The following UBAC2 variants were observed in gnomAD, a reference collection of about 807,000 sequenced individuals.
The protein encoded by UBAC2 is UBA domain containing 2.
Under a neutral mutation model 44.0 loss-of-function variants are expected in UBAC2, and 26 were observed. The ratio of observed to expected loss-of-function variants is 0.59; its 90% CI spans 0.43 to 0.82. The LOEUF is 0.82. Ranked by LOEUF, UBAC2 falls within the 40% of genes least tolerant of loss-of-function variation. UBAC2 has a pLI of 0.00. For missense variants in UBAC2, 329 were observed against 419.4 expected, an observed-to-expected ratio of 0.78 and a Z score of 1.88; for synonymous variants, 155 against 154.3, an observed-to-expected ratio of 1.00 and a Z score of -0.04.
chr13:99,201,071 A>G, intron 1 of UBAC2, 132 bp downstream of exon 1: 4 of 1,331,828 alleles, frequency 3.0e-6, no homozygotes, highest in Non-Finnish European at 3.9e-6. Flanking sequence ...CCCGCGTCCG[A>G]ACCCTGCTAG....
chr13:99,377,945 C>G (rs1412621527), intron 8 of UBAC2, among the ~76,000 whole-genome samples: 2 of 152,238 alleles, frequency 1.3e-5, no homozygotes, highest in East Asian at 1.9e-4. Flanking sequence ...GCGCTGGAGT[C>G]AGACCTAAGA....
chr13:99,278,454 G>T (rs1244345992), intron 4 of UBAC2, among the ~76,000 whole-genome samples: 1 of 152,140 alleles, frequency 6.6e-6, no homozygotes, highest in African/African-American at 2.4e-5. Context: ...TTTAAGGGAA[G>T]TGGGTATTGT....
chr13:99,207,092 C>T (rs1423931793), intron 1 of UBAC2, among the ~76,000 whole-genome samples: 1 of 152,262 alleles, frequency 6.6e-6, no homozygotes, highest in East Asian at 1.9e-4. Context: ...CACGTGGTTA[C>T]AGCTGATGCT....
intron 8 of UBAC2, among the ~76,000 whole-genome samples, chr13:99,373,168 ATTGT>A (rs769833927): frequency 1.8e-4 from 15 of 83,290 alleles, no homozygotes; most frequent in Non-Finnish European, 2.5e-4. Context: ...TCTCTTTTTT[ATTGT>A]TTTTTTTTTT....
chr13:99,349,394 G>A (rs1295267618), intron 7 of UBAC2, among the ~76,000 whole-genome samples: 1 of 152,206 alleles, frequency 6.6e-6, no homozygotes, highest in Non-Finnish European at 1.5e-5. Context: ...GCGGAGATGA[G>A]ATTGTAATAA....
At chr13:99,252,499 A>G (rs1423593879) in intron 4 of UBAC2, among the ~76,000 whole-genome samples, 1 of 152,234 alleles carries the variant, frequency 6.6e-6, no homozygotes, top group Non-Finnish European at 1.5e-5. Context: ...CTGACATGAT[A>G]GATGCTCATG....
intron 4 of UBAC2, among the ~76,000 whole-genome samples, chr13:99,288,079 A>G (rs1439079396): frequency 6.6e-6 from 1 of 152,218 alleles, no homozygotes; most frequent in African/African-American, 2.4e-5. Context: ...CCCTCAAGCA[A>G]TAAGAACGTA....
intron 1 of UBAC2, among the ~76,000 whole-genome samples, chr13:99,228,487 C>T (rs1023170764): frequency 3.9e-5 from 6 of 151,910 alleles, no homozygotes; most frequent in Non-Finnish European, 7.4e-5. Context: ...AGTGACGGGG[C>T]TTCACGATGT....
intron 4 of UBAC2, chr13:99,294,740 C>A: frequency 4.9e-6 from 1 of 203,300 alleles, no homozygotes; most frequent in South Asian, 9.9e-5. Flanking sequence ...CCTTTCTAGC[C>A]ATTTGTTGGC....
intron 7 of UBAC2, among the ~76,000 whole-genome samples, chr13:99,354,105 G>A (rs1171520608): frequency 3.9e-5 from 6 of 152,230 alleles, no homozygotes; most frequent in Admixed American, 6.5e-5. Context: ...GGAGGCCACC[G>A]CACCCCCCTT....
At chr13:99,292,679 G>A (rs953514556) in intron 4 of UBAC2, among the ~76,000 whole-genome samples, 1 of 147,914 alleles carries the variant, frequency 6.8e-6, no homozygotes, top group Non-Finnish European at 1.5e-5. Flanking sequence ...AATAGTCAGT[G>A]AATTTATTTA....
chr13:99,375,745 C>CCA (rs1178617483), intron 8 of UBAC2, among the ~76,000 whole-genome samples: 1 of 151,486 alleles, frequency 6.6e-6, no homozygotes, highest in East Asian at 1.9e-4. Context: ...AGTTGAATTG[C>CCA]AAGTAAAATA....
chr13:99,376,937 C>T (rs902264585), intron 8 of UBAC2: 4 of 152,230 alleles, frequency 2.6e-5, no homozygotes, highest in African/African-American at 4.8e-5. Context: ...TGACTGCAAG[C>T]CCATGAAGCC....
At chr13:99,322,923 C>G (rs2044588407) in intron 6 of UBAC2, among the ~76,000 whole-genome samples, 3 of 152,174 alleles carry the variant, frequency 2.0e-5, no homozygotes, top group African/African-American at 7.2e-5. Context: ...TCTCTTCCCT[C>G]TGTAGTACTT....
chr13:99,306,276 GAGA>G (rs1239572099), intron 4 of UBAC2, among the ~76,000 whole-genome samples: 3 of 152,272 alleles, frequency 2.0e-5, no homozygotes, highest in Non-Finnish European at 4.4e-5. Context: ...AGAGAGATGG[GAGA>G]AGAATGATGG....
chr13:99,242,658 C>T (rs1438073899), intron 2 of UBAC2, among the ~76,000 whole-genome samples: 27 of 56,942 alleles, frequency 4.7e-4, no homozygotes, highest in East Asian at 1.1e-3. Context: ...CCCTCCCGGA[C>T]GGGGCGGCTG....
At chr13:99,292,987 TAAC>T (rs1481152544) in intron 4 of UBAC2, among the ~76,000 whole-genome samples, 3 of 152,190 alleles carry the variant, frequency 2.0e-5, no homozygotes, top group Admixed American at 6.5e-5. Flanking sequence ...AGCTAACTAA[TAAC>T]AAGACAGTGA....
chr13:99,244,490 A>G, intron 3 of UBAC2, 25 bp from the exon 4 acceptor site: 1 of 1,530,606 alleles, frequency 6.5e-7, no homozygotes. Context: ...CATCTCTATC[A>G]TTTTTCTGCT....
chr13:99,247,986 A>G (rs897804075), intron 4 of UBAC2, among the ~76,000 whole-genome samples: 2 of 152,040 alleles, frequency 1.3e-5, no homozygotes, highest in Non-Finnish European at 2.9e-5. Context: ...AGCAAATTAA[A>G]TGCTTTTAAC....
Sources: allele counts gnomAD v4.1 joint callset (sites outside exome capture counted in the v4.1 genomes callset), GRCh38; gene constraint gnomAD v4.1.1; transcripts MANE v1.5; gene names NCBI Gene and HGNC (gene_info 2026-07-23, HGNC 2026-07-21).